Variants in ZFP90 observed in about 807,000 individuals in gnomAD.
The protein encoded by ZFP90 is ZFP90 zinc finger protein.
In ZFP90, 38 loss-of-function variants were observed where a neutral mutation model predicts 60.8. That is an observed-to-expected ratio of 0.62 (90% confidence interval 0.48 to 0.82). The LOEUF (loss-of-function observed/expected upper bound fraction) is 0.82. Ranked by LOEUF, ZFP90 falls within the 40% of genes least tolerant of loss-of-function variation. The pLI is 0.00. For missense variants in ZFP90, 711 were observed against 759.1 expected (o/e 0.94, Z 0.74); for synonymous variants, 287 against 264.8 (o/e 1.08, Z -0.82).
intron 2 of ZFP90, among the ~76,000 whole-genome samples, chr16:68,551,296 G>A (rs1169650479): frequency 6.6e-6 from 1 of 152,018 alleles, no homozygotes; most frequent in Non-Finnish European, 1.5e-5. Flanking sequence ...GAGCTTTTTA[G>A]GAGCCCATGA....
intron 2 of ZFP90, among the ~76,000 whole-genome samples, chr16:68,573,035 G>A (rs962648393): frequency 2.6e-5 from 4 of 152,170 alleles, no homozygotes; most frequent in Non-Finnish European, 5.9e-5. Context: ...TCCTGGATAG[G>A]GTGTCCTTAT....
chr16:68,576,503 T>C (rs1056496455), downstream of ZFP90, among the ~76,000 whole-genome samples: 21 of 152,016 alleles, frequency 1.4e-4, no homozygotes, highest in Admixed American at 1.3e-3. Flanking sequence ...TCCCAGCACT[T>C]TGGGAGGCCG....
chr16:68,567,790 T>C (rs774732733), downstream of ZFP90, among the ~76,000 whole-genome samples: 1 of 152,234 alleles, frequency 6.6e-6, no homozygotes, highest in Non-Finnish European at 1.5e-5. Context: ...ACCTAAAATA[T>C]GTATGATATA....
chr16:68,534,138 G>T (rs2090944734), intron 2 of ZFP90, among the ~76,000 whole-genome samples: 1 of 151,316 alleles, frequency 6.6e-6, no homozygotes, highest in Non-Finnish European at 1.5e-5. Flanking sequence ...AATTTCCTCA[G>T]ATCGACCTTC....
chr16:68,558,646 A>T, intron 4 of ZFP90, 78 bp downstream of exon 4: 1 of 1,340,192 alleles, frequency 7.5e-7, no homozygotes, highest in Non-Finnish European at 1.1e-6. Context: ...ACCCTCCAGC[A>T]GCTGGCTTGC....
chr16:68,556,926 T>C, intron 2 of ZFP90, among the ~76,000 whole-genome samples: 1 of 152,182 alleles, frequency 6.6e-6, no homozygotes, highest in East Asian at 1.9e-4. Context: ...TGGGAACAAG[T>C]TTGATGTAGT....
chr16:68,543,174 G>T (rs1432830234), intron 2 of ZFP90, among the ~76,000 whole-genome samples: 3 of 150,518 alleles, frequency 2.0e-5, no homozygotes, highest in African/African-American at 7.3e-5. Context: ...TGGGCAGAGG[G>T]AACAGCCTAG....
downstream of ZFP90, among the ~76,000 whole-genome samples, chr16:68,567,619 C>A (rs1477350785): frequency 1.3e-5 from 2 of 152,172 alleles, no homozygotes; most frequent in Non-Finnish European, 1.5e-5. Context: ...TAGGAGAGGA[C>A]AAGGTTGACA....
At chr16:68,572,975 T>TC in intron 2 of ZFP90, among the ~76,000 whole-genome samples, 1 of 152,244 alleles carries the variant, frequency 6.6e-6, no homozygotes, top group East Asian at 1.9e-4. Flanking sequence ...ATAGGACCAC[T>TC]CCATCTGTTT....
downstream of ZFP90, among the ~76,000 whole-genome samples, chr16:68,567,464 A>T (rs2091544238): frequency 6.6e-6 from 1 of 152,100 alleles, no homozygotes; most frequent in African/African-American, 2.4e-5. Context: ...CAGGCATGAG[A>T]CCTAGTTCAG....
downstream of ZFP90, among the ~76,000 whole-genome samples, chr16:68,568,840 G>A (rs760758076): frequency 5.3e-5 from 8 of 152,170 alleles, no homozygotes; most frequent in Non-Finnish European, 7.4e-5. Flanking sequence ...CACCACACCC[G>A]ACTAATTTTT....
intron 4 of ZFP90, among the ~76,000 whole-genome samples, chr16:68,559,104 C>G (rs1420405305): frequency 2.2e-4 from 33 of 152,160 alleles, no homozygotes; most frequent in Non-Finnish European, 2.9e-5. Context: ...TTAAGAGCTG[C>G]TTAGCTTTAG....
In ZFP90 at chr16:68,566,169, G is replaced by C; in HGVS notation, c.*1471G>C. 3.0e-6 allele frequency: 3 copies of C among 985,472 alleles called. No homozygotes were observed. The highest frequency in any genetic ancestry group is 3.6e-6 in the Non-Finnish European group (3 of 829,944). 61.0% of individuals were successfully genotyped at this position (985,472 alleles called of 1,614,324 possible). A position where few individuals can be genotyped will look rare whatever the true frequency, so the allele number is the denominator to read the frequency against. On this transcript the variant is annotated 3_prime_UTR_variant, in exon 5 of 5. Coordinates refer to ENST00000563169, the MANE Select transcript of ZFP90 (RefSeq NM_001305203.2). ...TTAGTTGTATAATGCTTTTCTATTA[G>C]TAAAGCATCAGCTAAGCTTCAGTGG...
chr16:68,569,304 T>G (rs2091555034), downstream of ZFP90, among the ~76,000 whole-genome samples: 1 of 151,968 alleles, frequency 6.6e-6, no homozygotes, highest in African/African-American at 2.4e-5. Context: ...GCCCAGCTAT[T>G]TTTTGTATTT....
chr16:68,538,591 A>G (rs1423722318), upstream of ZFP90, among the ~76,000 whole-genome samples: 1 of 152,172 alleles, frequency 6.6e-6, no homozygotes, highest in East Asian at 1.9e-4. Flanking sequence ...CTGTAATCCC[A>G]GCTACTCGGG....
In ZFP90 at chr16:68,566,540, T is replaced by C; in HGVS notation, c.*1842T>C. 2 of 985,560 alleles carry C rather than the reference T, an allele frequency of 2.0e-6. No individual in the cohort carries two copies. Among genetic ancestry groups the C allele is most frequent in the Non-Finnish European group, 2.4e-6 (2 of 829,940 alleles). The allele number at this position is 985,560 out of a possible 1,614,324, so 61.1% of individuals were successfully genotyped here. On this transcript the variant is annotated 3_prime_UTR_variant, in exon 5 of 5. Coordinates refer to ENST00000563169, the MANE Select transcript of ZFP90 (RefSeq NM_001305203.2). ...TGTGCATGGGGGCTGAAATGTAATA[T>C]GTGTAGCTCAATTAGTCTCTCCTCT...
rs968919405 is a variant in ZFP90, at chr16:68,566,484, A to G, written c.*1786A>G. ...TCATGGATGGCATGCAGCAGCACCC[A>G]AGTATTCTTCATTCTTTGCAGGGAA... On this transcript the variant is annotated 3_prime_UTR_variant, in exon 5 of 5. Coordinates refer to ENST00000563169, the MANE Select transcript of ZFP90 (RefSeq NM_001305203.2). 8.1e-5 allele frequency: 80 copies of G among 985,452 alleles called. 1 individual carries two copies. In the African/African-American group the frequency reaches 1.3e-3, roughly 16 times the overall value. The allele number at this position is 985,452 out of a possible 1,614,324, so 61.0% of individuals were successfully genotyped here.
chr16:68,564,156 G>C lies in ZFP90; in HGVS notation c.1369G>C (p.Glu457Gln), dbSNP rs1386896500. 6.2e-7 allele frequency: 1 copy of C among 1,614,146 alleles called. No individual in the cohort carries two copies. Residue 457 changes from glutamate (E) to glutamine (Q), a missense_variant, in exon 5 of 5, where the codon GAA becomes CAA. This residue lies in a region of ZFP90 where 295 missense variants were observed against 274.0 expected (regional missense o/e 1.08). Coordinates refer to ENST00000563169, the MANE Select transcript of ZFP90 (RefSeq NM_001305203.2). Reference sequence around the variant, plus strand: ...ATCCTACCATTGTAATGACTGTGGGGAAGACTTTAGTCACATTACAGACTT... The same window carrying C: ...ATCCTACCATTGTAATGACTGTGGGCAAGACTTTAGTCACATTACAGACTT... ...VKSYHCNDCG[E>Q]DFSHITDFTD...
At chr16:68,575,973 A>T (rs1403225275) in exon 3 of ZFP90, 1 of 395,814 alleles carries the variant, frequency 2.5e-6, no homozygotes, top group African/African-American at 2.1e-5. Flanking sequence ...GATTTTTCAC[A>T]ACTCTGGAAC....
Sources: gnomAD v4.1 joint callset for allele counts (sites outside exome capture counted in the v4.1 genomes callset) on GRCh38, gnomAD v4.1.1 for gene constraint, gnomAD v4.1.1 regional missense constraint, MANE v1.5 for transcripts, NCBI Gene and HGNC (gene_info 2026-07-23, HGNC 2026-07-21) for gene names.